PCDH19: variants seen among roughly 807,000 people sequenced by gnomAD.
PCDH19 encodes the protein protocadherin-19.
Under a neutral mutation model 46.2 loss-of-function variants are expected in PCDH19, and 6 were observed. The observed-to-expected ratio is 0.13, with a 90% CI of 0.07 to 0.26. The LOEUF is 0.26. Ranked by LOEUF, PCDH19 falls within the 10% of genes least tolerant of loss-of-function variation. The pLI, the probability that PCDH19 is intolerant of heterozygous loss-of-function variation, is 1.00. For synonymous variants in PCDH19, 481 were observed against 415.7 expected, an observed-to-expected ratio of 1.16 and a Z score of -1.91; for missense variants, 740 against 972.3, an observed-to-expected ratio of 0.76 and a Z score of 3.18.
chrX:100,297,248 G>T (rs944745575), intron 5 of PCDH19, among the ~76,000 whole-genome samples: 5 of 111,746 alleles, frequency 4.5e-5, no homozygotes, highest in African/African-American at 1.6e-4. Context: ...GCAGATGAGG[G>T]AGTGGAGGCA....
intron 5 of PCDH19, among the ~76,000 whole-genome samples, chrX:100,308,944 A>G (rs1347766379): frequency 8.9e-6 from 1 of 111,832 alleles, no homozygotes; most frequent in Non-Finnish European, 1.9e-5. Context: ...TAGTACAACC[A>G]CTATGGAAAA....
At position 100,339,028 on chromosome X, in the gene PCDH19, A is replaced by C. The variant is rs375934170; in HGVS notation, c.2848+2875T>G. 2.4e-4 allele frequency among the ~76,000 whole-genome samples: 27 copies of C among 112,508 alleles called. No individual in the cohort carries two copies. In the East Asian group the frequency reaches 6.2e-3, roughly 26 times the overall value. On this transcript the variant is annotated intron_variant, in intron 5 of 5. Coordinates refer to ENST00000373034, the MANE Select transcript of PCDH19 (RefSeq NM_001184880.2). ...GTCACAGAGAGAACTACAGACATGG[A>C]ATACAAGGTGAGCCAAACTCCCCAA...
intron 3 of PCDH19, among the ~76,000 whole-genome samples, chrX:100,371,777 C>T (rs1352164573): frequency 9.2e-6 from 1 of 108,536 alleles, no homozygotes. Context: ...TTCCTGGAAC[C>T]CTGAAAACAG....
Position 100,296,567 on chromosome X carries a change from G to A in PCDH19, c.3157C>T (p.Arg1053Trp), listed in dbSNP as rs774986147. Residue 1053 changes from arginine to tryptophan, a missense_variant, in exon 6 of 6, where the codon CGG (arginine) becomes TGG (tryptophan). Coordinates refer to ENST00000373034, the MANE Select transcript of PCDH19 (RefSeq NM_001184880.2). ...ICSPKVNSVI[R>W]EAGNGCEAIS... The stretch of plus-strand genomic sequence containing the variant: ...GCCTCACAGCCATTGCCTGCCTCCC[G>A]GATAACGCTGTTGACCTTGGGGCTG... 11 of 1,209,144 alleles carry A rather than the reference G, an allele frequency of 9.1e-6. No homozygotes were observed. The highest frequency in any genetic ancestry group is 1.0e-5 in the Non-Finnish European group (9 of 894,961).
At chrX:100,347,292 T>C (rs1926434062) in intron 4 of PCDH19, among the ~76,000 whole-genome samples, 1 of 110,783 alleles carries the variant, frequency 9.0e-6, no homozygotes, top group African/African-American at 3.3e-5. Context: ...AGGATATTGA[T>C]TGTCTCTGCT....
intron 3 of PCDH19, among the ~76,000 whole-genome samples, chrX:100,363,445 T>C (rs1416898737): frequency 4.6e-5 from 5 of 108,758 alleles, no homozygotes; most frequent in African/African-American, 1.3e-4. Context: ...GTCGTAAACT[T>C]GATTTCTTCT....
In PCDH19 at chrX:100,322,859, A is replaced by ATTTT. The variant is rs1400588865; in HGVS notation, c.2848+19043_2848+19044insAAAA. Among the ~76,000 whole-genome samples, 111 of 43,677 alleles carry ATTTT rather than the reference A, an allele frequency of 2.5e-3. 5 individuals carry two copies. The highest frequency in any genetic ancestry group is 0.028 in the Middle Eastern group (2 of 72). The allele number at this position is 43,677 out of a possible 115,157, so 37.9% of individuals were successfully genotyped here. Reference sequence around the variant, plus strand: ...TATATATATATATATATATATATATATATATATTTTTGCAGCTATTGTAAA... The same window carrying ATTTT: ...TATATATATATATATATATATATATATTTTTATATATTTTTGCAGCTATTGTAAA... On this transcript the variant is annotated intron_variant, in intron 5 of 5. Transcript: ENST00000373034.
intron 5 of PCDH19, among the ~76,000 whole-genome samples, chrX:100,322,747 T>A (rs1388570276): frequency 9.6e-6 from 1 of 103,771 alleles, no homozygotes; most frequent in East Asian, 2.9e-4. Context: ...GTATTTCCAT[T>A]TGTTTGCGTC....
intron 3 of PCDH19, among the ~76,000 whole-genome samples, chrX:100,391,169 AAGG>A (rs1027007098): frequency 9.0e-6 from 1 of 111,451 alleles, no homozygotes; most frequent in African/African-American, 3.3e-5. Flanking sequence ...CCCAACTTAA[AAGG>A]AGATCTCGGT....
At chrX:100,405,202 G>A in intron 1 of PCDH19, among the ~76,000 whole-genome samples, 1 of 112,219 alleles carries the variant, frequency 8.9e-6, no homozygotes, top group East Asian at 2.8e-4. Flanking sequence ...GAACCTACAG[G>A]AACATATTTT....
Position 100,407,676 on chromosome X carries a change from C to T in PCDH19, c.922G>A (p.Glu308Lys), listed in dbSNP as rs775309866. 18 of 1,212,371 alleles carry T rather than the reference C, an allele frequency of 1.5e-5. No homozygotes were observed. The South Asian group carries it at 3.2e-4, about 21-fold the overall frequency. The change falls in exon 1 of 6, where the codon GAG (glutamate) becomes AAG (lysine). Residue 308 changes from glutamate (E) to lysine (K), a missense_variant. Transcript: ENST00000373034. ...VTVTGALDYE[E>K]GHVYELDVQA... ...ACGTCCAGTTCGTACACGTGCCCCT[C>T]TTCGTAGTCTAAAGCGCCAGTGACA...
chrX:100,299,453 A>T (rs1447498400), intron 5 of PCDH19, among the ~76,000 whole-genome samples: 1 of 111,220 alleles, frequency 9.0e-6, no homozygotes, highest in Non-Finnish European at 1.9e-5. Flanking sequence ...CCCATGTGTC[A>T]CCCTGAATCC....
intron 5 of PCDH19, among the ~76,000 whole-genome samples, chrX:100,312,786 AG>A (rs1431432786): frequency 9.0e-6 from 1 of 111,532 alleles, no homozygotes; most frequent in African/African-American, 3.3e-5. Flanking sequence ...TTAAAGAGAA[AG>A]GCTCTTCCAT....
At chrX:100,347,727 G>A (rs1926447413) in intron 4 of PCDH19, among the ~76,000 whole-genome samples, 1 of 110,722 alleles carries the variant, frequency 9.0e-6, no homozygotes, top group African/African-American at 3.3e-5. Flanking sequence ...AAACATCCTT[G>A]GATAAGTAGA....
chrX:100,297,566 T>C (rs1397465766), intron 5 of PCDH19, among the ~76,000 whole-genome samples: 1 of 112,058 alleles, frequency 8.9e-6, no homozygotes, highest in East Asian at 2.8e-4. Context: ...CAGTGACATG[T>C]TGGTCATTGT....
intron 5 of PCDH19, 26 bp downstream of exon 5, chrX:100,341,877 G>T: frequency 8.4e-7 from 1 of 1,192,259 alleles, no homozygotes; most frequent in South Asian, 1.8e-5. Context: ...GTCGATTGCT[G>T]CAACTTACAT....
intron 3 of PCDH19, among the ~76,000 whole-genome samples, chrX:100,358,195 G>A (rs1325504041): frequency 1.8e-5 from 2 of 111,931 alleles, no homozygotes; most frequent in Admixed American, 1.9e-4. Context: ...TAGTGTTCCT[G>A]AACCCAATTT....
chrX:100,302,689 C>T (rs1033532643), intron 5 of PCDH19, among the ~76,000 whole-genome samples: 2 of 111,405 alleles, frequency 1.8e-5, no homozygotes, highest in Non-Finnish European at 3.8e-5. Flanking sequence ...TACAGATTTT[C>T]GTATTCTCAG....
At chrX:100,378,490 T>A (rs906911963) in intron 3 of PCDH19, among the ~76,000 whole-genome samples, 7 of 112,779 alleles carry the variant, frequency 6.2e-5, no homozygotes, top group Non-Finnish European at 1.3e-4. Flanking sequence ...GTATTATTTA[T>A]GAGGAGCTAT....
Sources: gnomAD v4.1 joint callset for allele counts (sites outside exome capture counted in the v4.1 genomes callset) on GRCh38, gnomAD v4.1.1 for gene constraint, MANE v1.5 for transcripts, NCBI Gene and HGNC (gene_info 2026-07-23, HGNC 2026-07-21) for gene names.